Variants in DNAJB12 observed in about 807,000 individuals in gnomAD.
The protein encoded by DNAJB12 is DnaJ heat shock protein family (Hsp40) member B12, also known as dnaJ homolog subfamily B member 12.
A neutral mutation model predicts 40.6 loss-of-function variants in DNAJB12; 14 were observed. The observed-to-expected ratio is 0.34, with a 90% CI of 0.23 to 0.54. The LOEUF (loss-of-function observed/expected upper bound fraction) is 0.54, where lower values mean the gene tolerates loss of function less well. Ranked by LOEUF, DNAJB12 falls within the 20% of genes least tolerant of loss-of-function variation. The pLI is 0.92. For synonymous variants in DNAJB12, 181 were observed against 199.5 expected, an observed-to-expected ratio of 0.91 and a Z score of 0.78; for missense variants, 444 against 501.7, an observed-to-expected ratio of 0.89 and a Z score of 1.10.
chr10:72,348,914 G>A (rs990820336), intron 1 of DNAJB12, among the ~76,000 whole-genome samples: 2 of 152,236 alleles, frequency 1.3e-5, no homozygotes, highest in African/African-American at 2.4e-5. Context: ...TGTAGGAAGA[G>A]GGTACTGTGG....
chr10:72,340,001 C>G (rs1018928073), intron 5 of DNAJB12, among the ~76,000 whole-genome samples: 1 of 151,946 alleles, frequency 6.6e-6, no homozygotes, highest in African/African-American at 2.4e-5. Flanking sequence ...TTAAAAGTAT[C>G]TTTTGGCTTT....
chr10:72,354,846 C>T lies in DNAJB12; in HGVS notation c.52G>A (p.Ala18Thr), dbSNP rs1564826107. ...AERCISIALKAIQSNQPDRAL... is the reference protein window; with the variant it reads ...AERCISIALKTIQSNQPDRAL... ...CGGTCGGGCTGGTTGCTCTGGATGGCCTTGAGGGCGATGCTGATACAGCGC... is the reference window on the plus strand; with the variant it reads ...CGGTCGGGCTGGTTGCTCTGGATGGTCTTGAGGGCGATGCTGATACAGCGC... The change falls in exon 1 of 9, where the codon GCC becomes ACC. Residue 18 changes from alanine (A) to threonine (T), a missense_variant. Ala to Thr is a moderately conservative substitution (Grantham distance 58, BLOSUM62 0). Transcript: ENST00000444643. 6.2e-7 allele frequency: 1 copy of T among 1,614,114 alleles called. No individual in the cohort carries two copies. Among genetic ancestry groups the T allele is most frequent in the Non-Finnish European group, 8.5e-7 (1 of 1,179,964 alleles).
In DNAJB12 at chr10:72,343,351, G is replaced by C; in HGVS notation, c.457+15C>G. ...ATGAACACACCAAAATGCTAGGAAAGCAGGGCTGGCTTACCTTTGAAGGCT... is the reference window on the plus strand; with the variant it reads ...ATGAACACACCAAAATGCTAGGAAACCAGGGCTGGCTTACCTTTGAAGGCT... On this transcript the variant is annotated intron_variant, in intron 3 of 8. Transcript: ENST00000444643. 1 of 1,610,172 alleles carries C rather than the reference G, an allele frequency of 6.2e-7. No individual in the cohort carries two copies. The highest frequency in any genetic ancestry group is 2.2e-5 in the East Asian group (1 of 44,864).
Position 72,344,723 on chromosome 10 carries a change from C to T in DNAJB12, c.311+227G>A, listed in dbSNP as rs1012150823. ...AGCTTTTCCAGCCTCTGCTGTGGGT[C>T]GTGGCGGGAGGGGTGGTGGAGCCCC... On this transcript the variant is annotated intron_variant, in intron 2 of 8. Coordinates refer to ENST00000444643, the MANE Select transcript of DNAJB12 (RefSeq NM_017626.7). Among the ~76,000 whole-genome samples the T allele has an allele frequency of 7.2e-5, 11 of 152,172 alleles. No individual in the cohort carries two copies. The South Asian group carries it at 1.7e-3, about 23-fold the overall frequency.
chr10:72,345,858 C>T (rs1441261957), intron 1 of DNAJB12, among the ~76,000 whole-genome samples: 3 of 143,976 alleles, frequency 2.1e-5, no homozygotes, highest in Non-Finnish European at 3.0e-5. Context: ...TGTGCCACTG[C>T]ACTCCAGCCT....
chr10:72,335,593 G>A lies in DNAJB12; in HGVS notation c.*30+187C>T, dbSNP rs1005188655. 1.1e-5 allele frequency: 15 copies of A among 1,381,286 alleles called. No homozygotes were observed. The highest frequency in any genetic ancestry group is 4.7e-5 in the South Asian group (3 of 64,384). The allele number at this position is 1,381,286 out of a possible 1,614,324, so 85.6% of individuals were successfully genotyped here. On this transcript the variant is annotated intron_variant, in intron 8 of 8. Transcript: ENST00000444643. The surrounding 1 kb of genome is among the most constrained non-coding windows in gnomAD (Gnocchi z 4.4). The stretch of plus-strand genomic sequence containing the variant: ...GGGGAGGACAGCATCGCTAGAGGGC[G>A]GAAACCGACCTTGGTTTCCCAGCAG...
chr10:72,350,530 G>A (rs987591321), intron 1 of DNAJB12, among the ~76,000 whole-genome samples: 2 of 151,928 alleles, frequency 1.3e-5, no homozygotes, highest in Non-Finnish European at 2.9e-5. Context: ...CCATCATACA[G>A]GCTAAAAGAG....
At position 72,334,390 on chromosome 10, in the gene DNAJB12, G is replaced by A. The variant is rs1407209506; in HGVS notation, c.*258C>T. The A allele has an allele frequency of 7.7e-6, 5 of 650,934 alleles. No homozygotes were observed. The highest frequency in any genetic ancestry group is 3.0e-5 in the East Asian group (1 of 33,342). The allele number at this position is 650,934 out of a possible 1,614,324, so 40.3% of individuals were successfully genotyped here. A position where few individuals can be genotyped will look rare whatever the true frequency, so the allele number is the denominator to read the frequency against. On this transcript the variant is annotated 3_prime_UTR_variant, in exon 9 of 9. Coordinates refer to ENST00000444643, the MANE Select transcript of DNAJB12 (RefSeq NM_017626.7). ...GGTTTCTGTATCCTAGGAGAGAGGCGATGCGGAGCCTCCGCCAGCCCTGCG... is the reference window on the plus strand; with the variant it reads ...GGTTTCTGTATCCTAGGAGAGAGGCAATGCGGAGCCTCCGCCAGCCCTGCG...
intron 1 of DNAJB12, among the ~76,000 whole-genome samples, chr10:72,351,870 C>T (rs1861944004): frequency 6.6e-6 from 1 of 152,236 alleles, no homozygotes; most frequent in African/African-American, 2.4e-5. Flanking sequence ...CTGGCACCTC[C>T]CACTCTGCTC....
At chr10:72,343,297 G>C in intron 3 of DNAJB12, 69 bp downstream of exon 3, 2 of 1,545,942 alleles carry the variant, frequency 1.3e-6, no homozygotes, top group South Asian at 2.4e-5. Context: ...AAGCTGTCTT[G>C]GTCCCTTACT....
intron 1 of DNAJB12, 144 bp from the exon 2 acceptor site, chr10:72,345,271 CAGTCATCTGCTCTCTTGA>C: frequency 1.1e-6 from 1 of 903,128 alleles, no homozygotes; most frequent in Non-Finnish European, 1.7e-6. Flanking sequence ...GCTGGGGGGA[CAGTCATCTGCTCTCTTGA>C]AAGCCATAGT....
chr10:72,344,816 G>A, intron 2 of DNAJB12, 134 bp downstream of exon 2: 1 of 1,033,800 alleles, frequency 9.7e-7, no homozygotes, highest in Non-Finnish European at 1.5e-6. Flanking sequence ...TGGACCCTTG[G>A]ACCTTCTCCA....
chr10:72,347,686 C>A (rs1370943496), intron 1 of DNAJB12, among the ~76,000 whole-genome samples: 1 of 152,300 alleles, frequency 6.6e-6, no homozygotes, highest in East Asian at 1.9e-4. Context: ...GAGGCCGAGG[C>A]GGGCGAATCA....
At chr10:72,336,972 G>C (rs1182989990) in intron 6 of DNAJB12, 1 of 311,782 alleles carries the variant, frequency 3.2e-6, no homozygotes, top group African/African-American at 2.1e-5. Context: ...CTGGTCTAGG[G>C]AACTGGAGAC....
intron 3 of DNAJB12, among the ~76,000 whole-genome samples, chr10:72,342,588 A>G (rs1459517038): frequency 6.6e-6 from 1 of 152,122 alleles, no homozygotes; most frequent in Admixed American, 6.5e-5. Flanking sequence ...CCAGCTGGCT[A>G]TGGTTGTGGG....
chr10:72,349,880 T>C lies in DNAJB12; in HGVS notation c.134-4753A>G, dbSNP rs568824742. On this transcript the variant is annotated intron_variant, in intron 1 of 8. Coordinates refer to ENST00000444643, the MANE Select transcript of DNAJB12 (RefSeq NM_017626.7). Reference sequence around the variant, plus strand: ...TCCAGTTGCTGGCAAGTAGGGTCTCTCTTCTGGCCTGGGGGATGTGACAGC... The same window carrying C: ...TCCAGTTGCTGGCAAGTAGGGTCTCCCTTCTGGCCTGGGGGATGTGACAGC... Among the ~76,000 whole-genome samples, 9 of 152,262 alleles carry C rather than the reference T, an allele frequency of 5.9e-5. No individual in the cohort carries two copies. The South Asian group carries it at 1.9e-3, about 32-fold the overall frequency.
chr10:72,349,249 G>A (rs1861875222), intron 1 of DNAJB12, among the ~76,000 whole-genome samples: 1 of 152,148 alleles, frequency 6.6e-6, no homozygotes. Flanking sequence ...GAGTCTGACA[G>A]AGAGTGAAGG....
rs1240848661 is a variant in DNAJB12 at position 72,334,163 on chromosome 10, T to C, written c.*485A>G. On this transcript the variant is annotated 3_prime_UTR_variant, in exon 9 of 9. Transcript: ENST00000444643. ...ATGCCTATTTACATATAAATAGATA[T>C]ATATACATATACACGCATCTATAAA... The C allele has an allele frequency of 9.4e-6, 2 of 212,740 alleles. No individual in the cohort carries two copies. The highest frequency in any genetic ancestry group is 4.8e-5 in the African/African-American group (2 of 41,898). 13.2% of individuals were successfully genotyped at this position (212,740 alleles called of 1,614,324 possible). A position where few individuals can be genotyped will look rare whatever the true frequency, so the allele number is the denominator to read the frequency against.
Position 72,337,229 on chromosome 10 carries a change from C to T in DNAJB12, c.834-533G>A, listed in dbSNP as rs555649018. Among the ~76,000 whole-genome samples the T allele has an allele frequency of 2.0e-5, 3 of 152,352 alleles. No homozygotes were observed. In the South Asian group the frequency reaches 6.2e-4, roughly 32 times the overall value. ...GTGCTCTGGGGACAACAGTCCCTGC[C>T]CTAGTCCTCTGCTCCTCACATCTCT... On this transcript the variant is annotated intron_variant, in intron 6 of 8. Coordinates refer to ENST00000444643, the MANE Select transcript of DNAJB12 (RefSeq NM_017626.7).
Sources: allele counts gnomAD v4.1 joint callset (sites outside exome capture counted in the v4.1 genomes callset), GRCh38; gene constraint gnomAD v4.1.1; non-coding constraint Gnocchi (gnomAD v3.1); transcripts MANE v1.5; gene names NCBI Gene and HGNC (gene_info 2026-07-23, HGNC 2026-07-21).